The following PDGFC variants were observed in gnomAD, a reference collection of about 807,000 sequenced individuals.
PDGFC encodes platelet derived growth factor C, also known as platelet-derived growth factor C.
In PDGFC, 12 loss-of-function variants were observed where a neutral mutation model predicts 35.5. That is an observed-to-expected ratio of 0.34 (90% CI 0.22 to 0.55). The LOEUF (loss-of-function observed/expected upper bound fraction) is 0.55. Ranked by LOEUF, PDGFC falls within the 20% of genes least tolerant of loss-of-function variation. PDGFC has a pLI of 0.91. For synonymous variants in PDGFC, 159 were observed against 148.8 expected, an observed-to-expected ratio of 1.07 and a Z score of -0.50; for missense variants, 322 against 412.4, an observed-to-expected ratio of 0.78 and a Z score of 1.90.
At chr4:156,939,560 G>A (rs1731759824) in intron 1 of PDGFC, among the ~76,000 whole-genome samples, 1 of 151,994 alleles carries the variant, frequency 6.6e-6, no homozygotes, top group African/African-American at 2.4e-5. Flanking sequence ...ATGACAATGT[G>A]GAATTCACAT....
intron 1 of PDGFC, among the ~76,000 whole-genome samples, chr4:156,899,541 G>A (rs1177980059): frequency 6.6e-6 from 1 of 152,128 alleles, no homozygotes; most frequent in African/African-American, 2.4e-5. Context: ...TAGCTTGGGT[G>A]TGGTGGCTCA....
At chr4:156,878,973 G>A (rs1162462206) in intron 1 of PDGFC, among the ~76,000 whole-genome samples, 1 of 152,140 alleles carries the variant, frequency 6.6e-6, no homozygotes, top group Non-Finnish European at 1.5e-5. Context: ...ATGGAAACAT[G>A]TTTGACTTTA....
At chr4:156,909,586 C>T (rs144872812) in intron 1 of PDGFC, among the ~76,000 whole-genome samples, 18 of 152,254 alleles carry the variant, frequency 1.2e-4, no homozygotes, top group African/African-American at 3.6e-4. Context: ...AGATATAAAA[C>T]ATTAGATATA....
At position 156,913,597 on chromosome 4, in the gene PDGFC, G is replaced by A. The variant is rs73856791; in HGVS notation, c.118+57189C>T. ...ATTTCCCTCCCTCTCTTGAGGCTTC[G>A]CGCCAAATCTGTCTCCTGAATTAGA... On this transcript the variant is annotated intron_variant, in intron 1 of 5. Coordinates refer to ENST00000502773, the MANE Select transcript of PDGFC (RefSeq NM_016205.3). 8.0e-3 allele frequency among the ~76,000 whole-genome samples: 1,214 copies of A among 152,186 alleles called. 14 individuals carry two copies. Among genetic ancestry groups the A allele is most frequent in the African/African-American group, 0.027 (1,128 of 41,528 alleles).
At chr4:156,771,968 C>CTCAGTTAA (rs1461564048) in intron 4 of PDGFC, among the ~76,000 whole-genome samples, 1 of 152,108 alleles carries the variant, frequency 6.6e-6, no homozygotes, top group East Asian at 1.9e-4. Context: ...TTATAGAAAA[C>CTCAGTTAA]TCAGTTAAGA....
chr4:156,890,654 C>T (rs1490067626), intron 1 of PDGFC, among the ~76,000 whole-genome samples: 2 of 152,132 alleles, frequency 1.3e-5, no homozygotes, highest in East Asian at 3.9e-4. Context: ...ACTGAGATCT[C>T]TTTAAAGCAG....
chr4:156,880,652 T>C (rs1045836601), intron 1 of PDGFC, among the ~76,000 whole-genome samples: 2 of 152,210 alleles, frequency 1.3e-5, no homozygotes, highest in Non-Finnish European at 2.9e-5. Flanking sequence ...TGTCCAGAGA[T>C]AGTGATTCCT....
intron 1 of PDGFC, among the ~76,000 whole-genome samples, chr4:156,877,596 C>T (rs1044205352): frequency 2.6e-5 from 4 of 152,004 alleles, no homozygotes; most frequent in South Asian, 2.1e-4. Context: ...AAGGATTATT[C>T]GAGGCACTGT....
At chr4:156,903,657 A>G (rs142536964) in intron 1 of PDGFC, among the ~76,000 whole-genome samples, 2,486 of 152,284 alleles carry the variant, frequency 0.016, 73 homozygotes, top group African/African-American at 0.057. Flanking sequence ...AGATAAACAT[A>G]GCAATTCAAG....
intron 1 of PDGFC, among the ~76,000 whole-genome samples, chr4:156,866,161 G>A (rs1380021865): frequency 6.6e-6 from 1 of 152,032 alleles, no homozygotes; most frequent in Non-Finnish European, 1.5e-5. Context: ...CTGTGTCCAT[G>A]TGTTCTCATT....
intron 1 of PDGFC, 51 bp from the exon 2 acceptor site, chr4:156,850,467 A>G (rs1729427581): frequency 2.9e-6 from 3 of 1,049,498 alleles, no homozygotes; most frequent in African/African-American, 1.6e-5. Flanking sequence ...CAAAAATTAT[A>G]GGTATCAAAG....
intron 2 of PDGFC, among the ~76,000 whole-genome samples, chr4:156,831,105 A>G (rs567830085): frequency 6.6e-6 from 1 of 152,282 alleles, no homozygotes; most frequent in Admixed American, 6.5e-5. Context: ...ATGACTGTTG[A>G]GTGATGGATG....
chr4:156,891,724 A>G (rs950968647), intron 1 of PDGFC, among the ~76,000 whole-genome samples: 1 of 130,304 alleles, frequency 7.7e-6, no homozygotes, highest in Admixed American at 7.7e-5. Context: ...ATTCAGCTGA[A>G]CAATATAAAC....
intron 1 of PDGFC, among the ~76,000 whole-genome samples, chr4:156,927,618 C>T (rs1731445157): frequency 6.6e-6 from 1 of 152,124 alleles, no homozygotes; most frequent in South Asian, 2.1e-4. Context: ...CACCTTTGCT[C>T]CAGTTCCCAA....
chr4:156,955,294 T>G (rs1167794600), intron 1 of PDGFC, among the ~76,000 whole-genome samples: 1 of 152,012 alleles, frequency 6.6e-6, no homozygotes, highest in South Asian at 2.1e-4. Flanking sequence ...AGCCTCTAGC[T>G]TCTCTGTCCT....
At chr4:156,836,549 TC>T (rs1729068279) in intron 2 of PDGFC, among the ~76,000 whole-genome samples, 2 of 152,162 alleles carry the variant, frequency 1.3e-5, no homozygotes, top group African/African-American at 4.8e-5. Flanking sequence ...CAAAGAATCA[TC>T]CTCCTGAGAC....
rs528425204 is a variant in PDGFC at position 156,762,805 on chromosome 4, G to A, written c.*285C>T. 35 of 284,164 alleles carry A rather than the reference G, an allele frequency of 1.2e-4. No homozygotes were observed. The highest frequency in any genetic ancestry group is 2.3e-4 in the Non-Finnish European group (34 of 148,938). 17.6% of individuals were successfully genotyped at this position (284,164 alleles called of 1,614,324 possible). A position where few individuals can be genotyped will look rare whatever the true frequency, so the allele number is the denominator to read the frequency against. On this transcript the variant is annotated 3_prime_UTR_variant, in exon 6 of 6. Coordinates refer to ENST00000502773, the MANE Select transcript of PDGFC (RefSeq NM_016205.3). Reference sequence around the variant, plus strand: ...AACCCAGCTAGTGGAATACGTACATGGTAACTCTGAAACTAGCTGGTGATC... The same window carrying A: ...AACCCAGCTAGTGGAATACGTACATAGTAACTCTGAAACTAGCTGGTGATC...
chr4:156,794,059 A>G (rs1198169504), intron 3 of PDGFC, among the ~76,000 whole-genome samples: 5 of 152,166 alleles, frequency 3.3e-5, no homozygotes, highest in African/African-American at 9.7e-5. Context: ...ATCATAAAAC[A>G]TTGTCCTATT....
intron 3 of PDGFC, among the ~76,000 whole-genome samples, chr4:156,801,881 T>C (rs531078898): frequency 9.2e-5 from 14 of 152,356 alleles, no homozygotes; most frequent in Non-Finnish European, 2.1e-4. Flanking sequence ...TACAAGACAC[T>C]GCTTTTCCTT....
Sources: gnomAD v4.1 joint callset for allele counts (sites outside exome capture counted in the v4.1 genomes callset) on GRCh38, gnomAD v4.1.1 for gene constraint, MANE v1.5 for transcripts, NCBI Gene and HGNC (gene_info 2026-07-23, HGNC 2026-07-21) for gene names.